Variants in HSD17B2 observed in about 807,000 individuals in gnomAD.
The protein encoded by HSD17B2 is hydroxysteroid 17-beta dehydrogenase 2.
A neutral mutation model predicts 26.9 loss-of-function variants in HSD17B2; 32 were observed. That is an observed-to-expected ratio of 1.19 (90% CI 0.90 to 1.60). HSD17B2 has a LOEUF of 1.60. Among genes scored for constraint, HSD17B2 ranks in the 40% most tolerant of loss-of-function variants. The pLI, the probability that HSD17B2 is intolerant of heterozygous loss-of-function variation, is 0.00. For synonymous variants in HSD17B2, 246 were observed against 186.7 expected (o/e 1.32, Z -2.59); for missense variants, 613 against 468.6 (o/e 1.31, Z -2.85).
At position 82,055,412 on chromosome 16, in the gene HSD17B2, T is replaced by C. The variant is rs140201356; in HGVS notation, c.266-12758T>C. Among the ~76,000 whole-genome samples, 271 of 152,302 alleles carry C rather than the reference T, an allele frequency of 1.8e-3. 1 individual carries two copies. The highest frequency in any genetic ancestry group is 6.8e-3 in the Middle Eastern group (2 of 294). Reference sequence around the variant, plus strand: ...ATGACCTCCTACAAGCTAAGCTTCATGGGATGGGGACTTGGATGGTTTTAT... The same window carrying C: ...ATGACCTCCTACAAGCTAAGCTTCACGGGATGGGGACTTGGATGGTTTTAT... On this transcript the variant is annotated intron_variant, in intron 1 of 4. Transcript: ENST00000199936.
intron 3 of HSD17B2, among the ~76,000 whole-genome samples, chr16:82,083,786 G>C (rs1009178620): frequency 6.6e-6 from 1 of 152,100 alleles, no homozygotes; most frequent in Non-Finnish European, 1.5e-5. Flanking sequence ...TTCCAGATTT[G>C]ACCATGTCTA....
chr16:82,063,455 ACTCGCACCCATTCGC>A (rs1171380613), intron 1 of HSD17B2, among the ~76,000 whole-genome samples: 8 of 151,978 alleles, frequency 5.3e-5, no homozygotes. Context: ...GCAGGGCTAG[ACTCGCACCCATTCGC>A]CTATGCCACA....
At chr16:82,045,615 A>G (rs2143924313) in intron 1 of HSD17B2, among the ~76,000 whole-genome samples, 1 of 152,354 alleles carries the variant, frequency 6.6e-6, no homozygotes, top group Non-Finnish European at 1.5e-5. Flanking sequence ...CCATTCATTA[A>G]TGTGCCTCAT....
intron 3 of HSD17B2, among the ~76,000 whole-genome samples, chr16:82,089,450 A>G (rs8191209): frequency 1.3e-5 from 2 of 152,148 alleles, no homozygotes; most frequent in Non-Finnish European, 2.9e-5. Context: ...GTGAGACTTC[A>G]TGAGGCACTG....
intron 4 of HSD17B2, chr16:82,096,095 C>A (rs1904830448): frequency 6.6e-6 from 1 of 151,906 alleles, no homozygotes; most frequent in African/African-American, 2.4e-5. Flanking sequence ...TATATTTATA[C>A]TTAATTGCAT....
chr16:82,037,351 C>G (rs1465863433), intron 1 of HSD17B2, among the ~76,000 whole-genome samples: 1 of 152,118 alleles, frequency 6.6e-6, no homozygotes, highest in East Asian at 1.9e-4. Context: ...TGTATGAAAT[C>G]GAGAAATTTA....
intron 1 of HSD17B2, among the ~76,000 whole-genome samples, chr16:82,047,475 G>A (rs548961174): frequency 5.3e-5 from 8 of 152,354 alleles, no homozygotes; most frequent in African/African-American, 1.9e-4. Flanking sequence ...CAAATAGTAT[G>A]CGTTCATGAC....
At position 82,036,104 on chromosome 16, in the gene HSD17B2, C is replaced by T. The variant is rs8191056; in HGVS notation, c.265+415C>T. On this transcript the variant is annotated intron_variant, in intron 1 of 4. Transcript: ENST00000199936. ...TTCCCTAGGTATGCAAGAACGCTTACAAGCCAAGTTCTACTTGTCCCTTGC... is the reference window on the plus strand; with the variant it reads ...TTCCCTAGGTATGCAAGAACGCTTATAAGCCAAGTTCTACTTGTCCCTTGC... 5.2e-3 allele frequency among the ~76,000 whole-genome samples: 788 copies of T among 152,274 alleles called. 11 individuals carry two copies. Among genetic ancestry groups the T allele is most frequent in the African/African-American group, 0.018 (754 of 41,548 alleles).
rs556405484 is a variant in HSD17B2, at chr16:82,080,886, T to A, written c.664+9759T>A. On this transcript the variant is annotated intron_variant, in intron 3 of 4. Coordinates refer to ENST00000199936, the MANE Select transcript of HSD17B2 (RefSeq NM_002153.3). The stretch of plus-strand genomic sequence containing the variant: ...CAGATTTTACTAGAGATTCCATATA[T>A]CACAAAGCACTATTTAATGCAAATT... Among the ~76,000 whole-genome samples, 16 of 152,300 alleles carry A rather than the reference T, an allele frequency of 1.1e-4. No individual in the cohort carries two copies. The South Asian group carries it at 2.9e-3, about 28-fold the overall frequency.
At chr16:82,052,417 A>G (rs1195552066) in intron 1 of HSD17B2, 1 of 152,262 alleles carries the variant, frequency 6.6e-6, no homozygotes, top group Non-Finnish European at 1.5e-5. Flanking sequence ...TGGTCAGAGC[A>G]AGCGAACTGT....
At chr16:82,071,579 G>A (rs140009491) in intron 3 of HSD17B2, 22 of 296,846 alleles carry the variant, frequency 7.4e-5, no homozygotes, top group African/African-American at 4.2e-4. Flanking sequence ...TTGTTAACCC[G>A]AAGATTGTCC....
At chr16:82,042,164 T>C (rs1033667506) in intron 1 of HSD17B2, among the ~76,000 whole-genome samples, 1 of 151,722 alleles carries the variant, frequency 6.6e-6, no homozygotes, top group Non-Finnish European at 1.5e-5. Context: ...CAACCATGCC[T>C]AGCCAATTTT....
At chr16:82,065,215 G>C (rs1171948800) in intron 1 of HSD17B2, among the ~76,000 whole-genome samples, 1 of 152,238 alleles carries the variant, frequency 6.6e-6, no homozygotes, top group African/African-American at 2.4e-5. Flanking sequence ...TTGGGGAGCA[G>C]ATGATGGACT....
intron 4 of HSD17B2, chr16:82,092,619 G>A (rs1029466545): frequency 6.6e-6 from 1 of 152,300 alleles, no homozygotes; most frequent in African/African-American, 2.4e-5. Context: ...CAGAGACCCA[G>A]AGAAAGGGAT....
In HSD17B2 at chr16:82,035,459, GCCTGGCTGTCC is replaced by G. The variant is rs1913598491; in HGVS notation, c.38_48del (p.Leu13HisfsTer75). On this transcript the variant is annotated frameshift_variant, in exon 1 of 5. Transcript: ENST00000199936. LOFTEE classifies it high-confidence loss of function. ...TTCTTCTCGGACACAGCATGGATCT[GCCTGGCTGTCC>G]CCACAGTACTATGTGGGACAGTATT... 6.2e-7 allele frequency: 1 copy of G among 1,613,530 alleles called. No individual in the cohort carries two copies. The highest frequency in any genetic ancestry group is 1.3e-5 in the African/African-American group (1 of 74,902).
intron 4 of HSD17B2, chr16:82,094,173 G>A (rs1201349976): frequency 6.6e-6 from 1 of 152,094 alleles, no homozygotes; most frequent in African/African-American, 2.4e-5. Flanking sequence ...GATTAAGAAT[G>A]CTTAACCTCC....
intron 1 of HSD17B2, among the ~76,000 whole-genome samples, chr16:82,046,039 CCT>C (rs1913916630): frequency 6.6e-6 from 1 of 152,214 alleles, no homozygotes; most frequent in Non-Finnish European, 1.5e-5. Flanking sequence ...CAGGGCATTA[CCT>C]CTTAGGTGGG....
intron 3 of HSD17B2, among the ~76,000 whole-genome samples, chr16:82,087,797 G>T (rs145011849): frequency 1.3e-5 from 2 of 152,232 alleles, no homozygotes; most frequent in African/African-American, 4.8e-5. Flanking sequence ...TTCTTGCTGT[G>T]CTGTTCCACA....
intron 1 of HSD17B2, among the ~76,000 whole-genome samples, chr16:82,037,932 A>T (rs1040403442): frequency 6.6e-6 from 1 of 152,242 alleles, no homozygotes; most frequent in Admixed American, 6.5e-5. Context: ...TTTGTAAATG[A>T]AAGGAAATAG....
Sources: allele counts gnomAD v4.1 joint callset (sites outside exome capture counted in the v4.1 genomes callset), GRCh38; gene constraint gnomAD v4.1.1; transcripts MANE v1.5; gene names NCBI Gene and HGNC (gene_info 2026-07-23, HGNC 2026-07-21).